Variants in RIPOR2 observed in about 807,000 individuals in gnomAD.
RIPOR2 encodes RHO family interacting cell polarization regulator 2, also known as rho family-interacting cell polarization regulator 2.
Under a neutral mutation model 114.5 loss-of-function variants are expected in RIPOR2, and 39 were observed. That is an observed-to-expected ratio of 0.34 (90% CI 0.26 to 0.44). The LOEUF (loss-of-function observed/expected upper bound fraction) is 0.44. Ranked by LOEUF, RIPOR2 falls within the 20% of genes least tolerant of loss-of-function variation. RIPOR2 has a pLI of 1.00. For synonymous variants in RIPOR2, 445 were observed against 484.4 expected, an observed-to-expected ratio of 0.92 and a Z score of 1.07; for missense variants, 1,007 against 1,255.1, an observed-to-expected ratio of 0.80 and a Z score of 2.99.
intron 11 of RIPOR2, among the ~76,000 whole-genome samples, chr6:24,848,801 TG>T (rs1404073546): frequency 1.3e-5 from 2 of 152,232 alleles, no homozygotes; most frequent in Non-Finnish European, 2.9e-5. Flanking sequence ...CTTCTACACC[TG>T]GCTTTCCATA....
At chr6:24,921,950 C>T (rs1468508838) in intron 1 of RIPOR2, among the ~76,000 whole-genome samples, 3 of 152,018 alleles carry the variant, frequency 2.0e-5, no homozygotes, top group African/African-American at 7.2e-5. Flanking sequence ...TTGCCTCAGC[C>T]TCCTGAGTAG....
At chr6:24,928,767 A>G (rs1771157267) in intron 1 of RIPOR2, among the ~76,000 whole-genome samples, 2 of 152,198 alleles carry the variant, frequency 1.3e-5, no homozygotes, top group Admixed American at 6.5e-5. Flanking sequence ...GTCTAGGACT[A>G]AACTTGTAAT....
At chr6:24,825,752 C>T (rs1321354302) in intron 18 of RIPOR2, among the ~76,000 whole-genome samples, 2 of 152,040 alleles carry the variant, frequency 1.3e-5, no homozygotes, top group African/African-American at 4.8e-5. Flanking sequence ...ACATTTTTTA[C>T]AATCTTCCTA....
rs564591372 is a variant in RIPOR2, at chr6:25,038,866, T to G, written c.76+2985A>C. On this transcript the variant is annotated intron_variant, in intron 1 of 13. Transcript: ENST00000510784. The stretch of plus-strand genomic sequence containing the variant: ...ATTTCAACCAGTGAGGCAATTCTAA[T>G]TGATTAGACATGGCAGCTTAAGGCA... Among the ~76,000 whole-genome samples, 82 of 152,338 alleles carry G rather than the reference T, an allele frequency of 5.4e-4. 1 individual carries two copies. Among genetic ancestry groups the G allele is most frequent in the Non-Finnish European group, 1.1e-3 (72 of 68,028 alleles).
At chr6:24,938,634 G>C (rs1771949272), upstream of RIPOR2, among the ~76,000 whole-genome samples, 1 of 152,144 alleles carries the variant, frequency 6.6e-6, no homozygotes, top group Admixed American at 6.6e-5. Flanking sequence ...AAGGCTCAAT[G>C]GGGATAGAGA....
chr6:24,882,288 C>T (rs558776865), intron 1 of RIPOR2, among the ~76,000 whole-genome samples: 12 of 152,180 alleles, frequency 7.9e-5, no homozygotes, highest in African/African-American at 1.7e-4. Context: ...AATTTCACTA[C>T]GAGACAGGTA....
At chr6:24,911,100 G>C (rs530817961) in intron 1 of RIPOR2, 1 of 447,170 alleles carries the variant, frequency 2.2e-6, no homozygotes, top group South Asian at 8.9e-5. Flanking sequence ...AGCTAGAGCG[G>C]CGGAGCGGGC....
intron 1 of RIPOR2, among the ~76,000 whole-genome samples, chr6:24,956,667 G>A (rs982039503): frequency 1.6e-5 from 2 of 126,380 alleles, no homozygotes; most frequent in Non-Finnish European, 3.5e-5. Flanking sequence ...GTAGAGGTGG[G>A]CTATGGACCT....
At chr6:24,988,465 C>G (rs1314610675) in intron 1 of RIPOR2, among the ~76,000 whole-genome samples, 2 of 152,190 alleles carry the variant, frequency 1.3e-5, no homozygotes, top group Admixed American at 1.3e-4. Flanking sequence ...TGAGCCACCA[C>G]GCCCAGCTAT....
At chr6:24,865,587 T>C in intron 6 of RIPOR2, 137 bp from the exon 7 acceptor site, 2 of 688,332 alleles carry the variant, frequency 2.9e-6, no homozygotes, top group South Asian at 2.7e-5. Flanking sequence ...TCCTTTTAGA[T>C]AGGGACCAAT....
At chr6:24,980,915 C>T (rs973085927) in intron 1 of RIPOR2, among the ~76,000 whole-genome samples, 3 of 152,142 alleles carry the variant, frequency 2.0e-5, no homozygotes, top group Non-Finnish European at 1.5e-5. Flanking sequence ...CTTTCTCTGG[C>T]TCTCTGAATG....
chr6:25,011,609 C>T (rs1207772683), intron 1 of RIPOR2, among the ~76,000 whole-genome samples: 2 of 152,224 alleles, frequency 1.3e-5, no homozygotes, highest in African/African-American at 4.8e-5. Context: ...CTTGGGATTA[C>T]ATTCTTATAT....
intron 2 of RIPOR2, 123 bp downstream of exon 2, chr6:24,875,568 T>C: frequency 1.2e-6 from 1 of 850,964 alleles, no homozygotes; most frequent in South Asian, 1.8e-5. Context: ...ATGAAAAAGA[T>C]TAAAATGGGG....
intron 1 of RIPOR2, among the ~76,000 whole-genome samples, chr6:25,032,626 G>T (rs967366233): frequency 6.6e-6 from 1 of 152,158 alleles, no homozygotes; most frequent in African/African-American, 2.4e-5. Flanking sequence ...CCAGTTTCCA[G>T]CTGGAAACAG....
At position 24,988,625 on chromosome 6, in the gene RIPOR2, G is replaced by C. The variant is rs550557044; in HGVS notation, c.76+53226C>G. Among the ~76,000 whole-genome samples, 8 of 152,274 alleles carry C rather than the reference G, an allele frequency of 5.3e-5. No homozygotes were observed. In the South Asian group the frequency reaches 1.7e-3, roughly 32 times the overall value. On this transcript the variant is annotated intron_variant, in intron 1 of 13. Coordinates refer to the RIPOR2 transcript ENST00000510784. The stretch of plus-strand genomic sequence containing the variant: ...AAACTCAAAGAATAATGATTGTGTA[G>C]AAAAGACATCATATATTGGCTTGAC...
At chr6:24,997,987 T>C (rs113022978) in intron 1 of RIPOR2, among the ~76,000 whole-genome samples, 1 of 152,150 alleles carries the variant, frequency 6.6e-6, no homozygotes, top group Non-Finnish European at 1.5e-5. Context: ...GGAGATTGGA[T>C]GCACTGGAGC....
At chr6:24,825,176 T>C (rs963380104) in intron 19 of RIPOR2, 50 bp downstream of exon 19, 4 of 1,315,910 alleles carry the variant, frequency 3.0e-6, no homozygotes, top group South Asian at 1.3e-5. Flanking sequence ...TAGTAAATGA[T>C]AGGAAATTAA....
chr6:24,949,635 C>A (rs935393317), intron 1 of RIPOR2, among the ~76,000 whole-genome samples: 4 of 152,160 alleles, frequency 2.6e-5, no homozygotes, highest in African/African-American at 9.7e-5. Context: ...TTGGCAAATG[C>A]CAAAAACAGT....
At chr6:24,967,829 C>G (rs1320767033) in intron 1 of RIPOR2, among the ~76,000 whole-genome samples, 2 of 151,288 alleles carry the variant, frequency 1.3e-5, no homozygotes, top group African/African-American at 4.9e-5. Context: ...GACTAAGTAT[C>G]TGGGACTTGA....
Sources: gnomAD v4.1 joint callset for allele counts (sites outside exome capture counted in the v4.1 genomes callset) on GRCh38, gnomAD v4.1.1 for gene constraint, MANE v1.5 for transcripts, NCBI Gene and HGNC (gene_info 2026-07-23, HGNC 2026-07-21) for gene names.